PTPRN2: variants seen among roughly 807,000 people sequenced by gnomAD.
PTPRN2 encodes the protein receptor-type tyrosine-protein phosphatase N2.
A neutral mutation model predicts 118.8 loss-of-function variants in PTPRN2; 74 were observed. The observed-to-expected ratio is 0.62, with a 90% CI of 0.52 to 0.76. The LOEUF (loss-of-function observed/expected upper bound fraction) is 0.76, where lower values mean the gene tolerates loss of function less well. PTPRN2 is among the 30% of genes least tolerant of loss of function. The pLI, the probability that PTPRN2 is intolerant of heterozygous loss-of-function variation, is 0.00. For missense variants in PTPRN2, 1,481 were observed against 1,394.4 expected (o/e 1.06, Z -0.99); for synonymous variants, 641 against 608.0 (o/e 1.05, Z -0.80).
At chr7:157,643,370 AGTC>A in intron 14 of PTPRN2, among the ~76,000 whole-genome samples, 1 of 152,262 alleles carries the variant, frequency 6.6e-6, no homozygotes, top group East Asian at 1.9e-4. Flanking sequence ...AAAAATAAAA[AGTC>A]AAATCACTCC....
chr7:158,268,462 T>C (rs1285888447), intron 3 of PTPRN2, among the ~76,000 whole-genome samples: 55 of 95,944 alleles, frequency 5.7e-4, no homozygotes, highest in South Asian at 1.1e-3. Context: ...ATATCCCAGC[T>C]GCACACACAC....
At chr7:157,909,588 G>A (rs914725499) in intron 11 of PTPRN2, among the ~76,000 whole-genome samples, 6 of 152,222 alleles carry the variant, frequency 3.9e-5, no homozygotes, top group African/African-American at 1.2e-4. Context: ...GGGACGCCCC[G>A]GCCAGCTCCT....
intron 9 of PTPRN2, among the ~76,000 whole-genome samples, chr7:158,122,177 G>A (rs1817227418): frequency 6.6e-6 from 1 of 152,232 alleles, no homozygotes. Flanking sequence ...AGCTAGGAGT[G>A]CCTGTGAGGG....
At position 158,305,378 on chromosome 7, in the gene PTPRN2, T is replaced by C. The variant is rs535203400; in HGVS notation, c.277+11441A>G. On this transcript the variant is annotated intron_variant, in intron 3 of 22. Transcript: ENST00000389418. ...ATTAGACAAAACATAGAGCTAAAGA[T>C]AGAGGGAGAGAGGGAGGGAGGGAGA... is the stretch of plus-strand genomic sequence containing the variant. 9.9e-5 allele frequency among the ~76,000 whole-genome samples: 15 copies of C among 151,252 alleles called. No individual in the cohort carries two copies. In the East Asian group the frequency reaches 1.6e-3, roughly 16 times the overall value.
intron 12 of PTPRN2, among the ~76,000 whole-genome samples, chr7:157,859,807 AG>A: frequency 9.8e-6 from 1 of 102,054 alleles, no homozygotes; most frequent in Non-Finnish European, 2.0e-5. Flanking sequence ...CTGCAGGGAG[AG>A]TCCCCCAGCC....
chr7:157,862,119 C>T (rs1017453941), intron 12 of PTPRN2, among the ~76,000 whole-genome samples: 2 of 152,172 alleles, frequency 1.3e-5, no homozygotes, highest in African/African-American at 4.8e-5. Flanking sequence ...ACTGCTGCTT[C>T]GAGGACTCTG....
rs959903076 is a variant in PTPRN2, at chr7:157,874,308, C to T, written c.1788+24365G>A. Reference sequence around the variant, plus strand: ...CAGCCCCTAAGCCTGGACTGCAGTGCTCCACTTGGCCTCGCCCACCTCTCA... The same window carrying T: ...CAGCCCCTAAGCCTGGACTGCAGTGTTCCACTTGGCCTCGCCCACCTCTCA... On this transcript the variant is annotated intron_variant, in intron 12 of 22. Coordinates refer to ENST00000389418, the MANE Select transcript of PTPRN2 (RefSeq NM_002847.5). The surrounding 1 kb of genome is among the most constrained non-coding windows in gnomAD (Gnocchi z 5.8). Among the ~76,000 whole-genome samples the T allele has an allele frequency of 1.3e-5, 2 of 152,196 alleles. No individual in the cohort carries two copies. The highest frequency in any genetic ancestry group is 4.8e-5 in the African/African-American group (2 of 41,452).
chr7:157,844,497 G>A (rs1808658981), intron 12 of PTPRN2, among the ~76,000 whole-genome samples: 1 of 152,202 alleles, frequency 6.6e-6, no homozygotes, highest in South Asian at 2.1e-4. Flanking sequence ...AAGCCACTGA[G>A]GAAACTGCCA....
At chr7:157,724,392 C>A (rs1563040903) in intron 12 of PTPRN2, among the ~76,000 whole-genome samples, 1 of 152,142 alleles carries the variant, frequency 6.6e-6, no homozygotes, top group African/African-American at 2.4e-5. Context: ...TCACTGAAAG[C>A]TTTGTTTGTC....
intron 12 of PTPRN2, among the ~76,000 whole-genome samples, chr7:157,715,539 T>C (rs1032851210): frequency 1.3e-5 from 2 of 152,298 alleles, no homozygotes; most frequent in Non-Finnish European, 2.9e-5. Flanking sequence ...TGGACCTCAG[T>C]GAATGACCCT....
intron 11 of PTPRN2, among the ~76,000 whole-genome samples, chr7:157,924,982 A>C (rs6960570): frequency 2.5e-5 from 1 of 39,640 alleles, no homozygotes; most frequent in Non-Finnish European, 4.9e-5. Flanking sequence ...CATTTAGCAC[A>C]TCAGGCAAAT....
chr7:158,509,603 C>T lies in PTPRN2; in HGVS notation c.113-19818G>A, dbSNP rs900162106. ...GCACAGATGCGTAGTCACCCCAAAG[C>T]CCATCTGCTTTGTTCCGGGATCCCC... On this transcript the variant is annotated intron_variant, in intron 1 of 22. Coordinates refer to ENST00000389418, the MANE Select transcript of PTPRN2 (RefSeq NM_002847.5). The surrounding 1 kb of genome is among the most constrained non-coding windows in gnomAD (Gnocchi z 4.4). Among the ~76,000 whole-genome samples the T allele has an allele frequency of 1.3e-5, 2 of 152,262 alleles. No individual in the cohort carries two copies. Among genetic ancestry groups the T allele is most frequent in the Non-Finnish European group, 2.9e-5 (2 of 68,048 alleles).
intron 2 of PTPRN2, among the ~76,000 whole-genome samples, chr7:158,441,386 T>A (rs1388033106): frequency 1.3e-5 from 2 of 149,364 alleles, no homozygotes; most frequent in Admixed American, 6.6e-5. Flanking sequence ...GTGGTGGTGG[T>A]GGTGATAATG....
intron 3 of PTPRN2, among the ~76,000 whole-genome samples, chr7:158,205,817 G>C (rs948851937): frequency 6.6e-6 from 1 of 152,128 alleles, no homozygotes; most frequent in African/African-American, 2.4e-5. Flanking sequence ...TTGGAACTCG[G>C]TGCTGCCCTG....
rs1372441030 is a variant in PTPRN2 at position 158,255,417 on chromosome 7, A to G, written c.278-50144T>C. Among the ~76,000 whole-genome samples, 4 of 152,146 alleles carry G rather than the reference A, an allele frequency of 2.6e-5. No individual in the cohort carries two copies. In the East Asian group the frequency reaches 7.7e-4, roughly 29 times the overall value. On this transcript the variant is annotated intron_variant, in intron 3 of 22. Coordinates refer to ENST00000389418, the MANE Select transcript of PTPRN2 (RefSeq NM_002847.5). ...GGAATGCTGCCTTCCTGTGGGGAAC[A>G]AGAGGATCGGCCACTCCACCACCAA...
At chr7:157,549,096 A>G in intron 21 of PTPRN2, 77 bp from the exon 22 acceptor site, 2 of 1,410,892 alleles carry the variant, frequency 1.4e-6, no homozygotes, top group East Asian at 4.6e-5. Context: ...CCTGCTAGCC[A>G]CGTTCCCTCT....
At chr7:157,888,109 C>G (rs900603691) in intron 12 of PTPRN2, among the ~76,000 whole-genome samples, 1 of 151,746 alleles carries the variant, frequency 6.6e-6, no homozygotes, top group African/African-American at 2.4e-5. Context: ...TTTTCTTGGG[C>G]TCACGGACGG....
rs1167514456 is a variant in PTPRN2, at chr7:157,964,035, T to C, written c.1724-65298A>G. Reference sequence around the variant, plus strand: ...TTGCCCTGTTCAAGTTCAAGCAGTATTTTTTTTAATAAAGATTATTCCCAA... The same window carrying C: ...TTGCCCTGTTCAAGTTCAAGCAGTACTTTTTTTAATAAAGATTATTCCCAA... On this transcript the variant is annotated intron_variant, in intron 11 of 22. Coordinates refer to ENST00000389418, the MANE Select transcript of PTPRN2 (RefSeq NM_002847.5). This position sits in a 1 kb window ranked among gnomAD's most constrained non-coding sequence, Gnocchi z 9.0. 6.6e-6 allele frequency among the ~76,000 whole-genome samples: 1 copy of C among 151,848 alleles called. No individual in the cohort carries two copies. Among genetic ancestry groups the C allele is most frequent in the African/African-American group, 2.4e-5 (1 of 41,354 alleles).
At chr7:158,532,564 T>C (rs988638738) in intron 1 of PTPRN2, among the ~76,000 whole-genome samples, 4 of 152,110 alleles carry the variant, frequency 2.6e-5, no homozygotes, top group African/African-American at 9.7e-5. Context: ...TGCTATTGTA[T>C]GTGACTTTGA....
Sources: gnomAD v4.1 joint callset for allele counts (sites outside exome capture counted in the v4.1 genomes callset) on GRCh38, gnomAD v4.1.1 for gene constraint, Gnocchi (gnomAD v3.1) non-coding constraint, MANE v1.5 for transcripts, NCBI Gene and HGNC (gene_info 2026-07-23, HGNC 2026-07-21) for gene names.